Variants in PDE3A observed in about 807,000 individuals in gnomAD.
PDE3A encodes cGMP-inhibited 3',5'-cyclic phosphodiesterase 3A.
PDE3A carries 43 observed loss-of-function variants against 98.3 expected under a neutral mutation model. The ratio of observed to expected loss-of-function variants is 0.44; its 90% CI spans 0.34 to 0.56. The LOEUF is 0.56. PDE3A is among the 20% of genes least tolerant of loss of function. The pLI is 0.01. For missense variants in PDE3A, 1,427 were observed against 1,440.7 expected, an observed-to-expected ratio of 0.99 and a Z score of 0.15; for synonymous variants, 663 against 567.9, an observed-to-expected ratio of 1.17 and a Z score of -2.38.
chr12:20,370,104 C>A lies in PDE3A; in HGVS notation c.820C>A (p.Gln274Lys). The A allele has an allele frequency of 6.2e-7, 1 of 1,613,262 alleles. No individual in the cohort carries two copies. Among genetic ancestry groups the A allele is most frequent in the Non-Finnish European group, 8.5e-7 (1 of 1,179,940 alleles). Residue 274 changes from glutamine (Q) to lysine (K), a missense_variant, in exon 1 of 16, where the codon CAG becomes AAG. Physicochemically the swap from Gln to Lys is moderately conservative, Grantham distance 53. Around this residue, in one of 3 missense-constraint regions of PDE3A, gnomAD observed 1,012 missense variants for 886.5 expected, o/e 1.14. Coordinates refer to ENST00000359062, the MANE Select transcript of PDE3A (RefSeq NM_000921.5). ...GGCTCCAAGGGAGCATTTGGGGTCC[C>A]AGCTGATTGCTGGGACCAAGGAAGA... The part of the protein sequence containing the change: ...EAAPREHLGS[Q>K]LIAGTKEDIP...
intron 2 of PDE3A, among the ~76,000 whole-genome samples, chr12:20,605,378 G>A (rs1334413742): frequency 1.3e-5 from 2 of 152,208 alleles, no homozygotes; most frequent in African/African-American, 4.8e-5. Context: ...TAGAGCTTGT[G>A]AAAGATTAGC....
At chr12:20,470,210 G>A (rs758528893) in intron 1 of PDE3A, among the ~76,000 whole-genome samples, 4 of 151,836 alleles carry the variant, frequency 2.6e-5, no homozygotes, top group Non-Finnish European at 5.9e-5. Flanking sequence ...CCAGAACTTT[G>A]TCTTAAGAAA....
rs533737651 is a variant in PDE3A, at chr12:20,680,305, T to C, written c.*34T>C. The C allele has an allele frequency of 6.2e-6, 10 of 1,609,042 alleles. No homozygotes were observed. Among genetic ancestry groups the C allele is most frequent in the East Asian group, 2.2e-5 (1 of 44,814 alleles). The stretch of plus-strand genomic sequence containing the variant: ...AGAATGGGCTGTGTTTCCAAACAGA[T>C]TGACTTGTCAAAGACTCTCTTCAAG... On this transcript the variant is annotated 3_prime_UTR_variant, in exon 16 of 16. Coordinates refer to ENST00000359062, the MANE Select transcript of PDE3A (RefSeq NM_000921.5).
At chr12:20,572,057 T>G (rs965012466) in intron 2 of PDE3A, 1 of 1,195,626 alleles carries the variant, frequency 8.4e-7, no homozygotes. Flanking sequence ...CATGAAAGCA[T>G]GTTTTTAAAA....
At chr12:20,638,872 A>G (rs1944580491) in intron 9 of PDE3A, among the ~76,000 whole-genome samples, 1 of 151,894 alleles carries the variant, frequency 6.6e-6, no homozygotes, top group African/African-American at 2.4e-5. Context: ...TTTTTTAAAT[A>G]TGTATCTTAT....
chr12:20,391,925 C>T (rs1435016866), intron 1 of PDE3A, among the ~76,000 whole-genome samples: 1 of 151,882 alleles, frequency 6.6e-6, no homozygotes, highest in Non-Finnish European at 1.5e-5. Flanking sequence ...TTACAATATA[C>T]ACTTGCCTAA....
intron 15 of PDE3A, among the ~76,000 whole-genome samples, chr12:20,677,235 T>C (rs1592177792): frequency 6.6e-6 from 1 of 152,160 alleles, no homozygotes; most frequent in African/African-American, 2.4e-5. Flanking sequence ...CTCATTCATA[T>C]TATGAATTGT....
intron 1 of PDE3A, among the ~76,000 whole-genome samples, chr12:20,458,696 C>G (rs991038536): frequency 3.9e-5 from 6 of 152,124 alleles, no homozygotes; most frequent in African/African-American, 1.4e-4. Context: ...CAGTTTTGCT[C>G]TACTTGTCTG....
rs1944893216 is a variant in PDE3A, at chr12:20,650,596, A to C, written c.2921A>C (p.Glu974Ala). 6.2e-7 allele frequency: 1 copy of C among 1,606,918 alleles called. No homozygotes were observed. Among genetic ancestry groups the C allele is most frequent in the Admixed American group, 1.7e-5 (1 of 59,898 alleles). The change falls in exon 14 of 16, where the codon GAA (glutamate) becomes GCA (alanine). Residue 974 changes from glutamate to alanine, a missense_variant. This residue lies in a region of PDE3A where 273 missense variants were observed against 420.3 expected (regional missense o/e 0.65). Coordinates refer to ENST00000359062, the MANE Select transcript of PDE3A (RefSeq NM_000921.5). ...WTDGIVNEFY[E>A]QGDEEASLGL... The stretch of plus-strand genomic sequence containing the variant: ...GATGGTATTGTCAATGAATTTTATG[A>C]ACAGGTAACTGACCACTGTTTAATA...
At position 20,658,492 on chromosome 12, in the gene PDE3A, G is replaced by A. The variant is rs577048440; in HGVS notation, c.3184+4287G>A. Among the ~76,000 whole-genome samples the A allele has an allele frequency of 2.6e-5, 4 of 152,316 alleles. No homozygotes were observed. In the South Asian group the frequency reaches 6.2e-4, roughly 24 times the overall value. ...ACATTTGTTAAAAATGGCAACGAAG[G>A]CGTTATTCAAGACTACTGTAATAGG... On this transcript the variant is annotated intron_variant, in intron 15 of 15. Coordinates refer to ENST00000359062, the MANE Select transcript of PDE3A (RefSeq NM_000921.5).
intron 1 of PDE3A, among the ~76,000 whole-genome samples, chr12:20,464,587 A>T (rs1409110051): frequency 6.6e-6 from 1 of 152,184 alleles, no homozygotes; most frequent in Non-Finnish European, 1.5e-5. Context: ...TATTACGGTA[A>T]GATGTTTTAC....
chr12:20,529,067 A>G (rs185584723), intron 1 of PDE3A, among the ~76,000 whole-genome samples: 2 of 152,300 alleles, frequency 1.3e-5, no homozygotes, highest in African/African-American at 4.8e-5. Flanking sequence ...TAGAATCATG[A>G]AAGTCATGGC....
At chr12:20,405,480 C>T (rs1328172806) in intron 1 of PDE3A, among the ~76,000 whole-genome samples, 1 of 152,216 alleles carries the variant, frequency 6.6e-6, no homozygotes, top group East Asian at 1.9e-4. Flanking sequence ...TCTCATTCAC[C>T]TGAGCTGCTC....
At chr12:20,425,316 C>T (rs1944585647) in intron 1 of PDE3A, among the ~76,000 whole-genome samples, 1 of 152,052 alleles carries the variant, frequency 6.6e-6, no homozygotes, top group Admixed American at 6.5e-5. Flanking sequence ...TTTTTTTCAT[C>T]ATATAATATT....
chr12:20,596,152 A>G (rs1943461412), intron 2 of PDE3A, among the ~76,000 whole-genome samples: 1 of 152,180 alleles, frequency 6.6e-6, no homozygotes, highest in Non-Finnish European at 1.5e-5. Context: ...CCATACAAAC[A>G]CTCTGTGGAA....
At chr12:20,539,514 A>G (rs1476509823) in intron 1 of PDE3A, among the ~76,000 whole-genome samples, 1 of 152,136 alleles carries the variant, frequency 6.6e-6, no homozygotes, top group Non-Finnish European at 1.5e-5. Flanking sequence ...ACTTGGTCAT[A>G]TGCTGAAGAG....
rs531107624 is a variant in PDE3A at position 20,433,037 on chromosome 12, A to C, written c.960+62793A>C. On this transcript the variant is annotated intron_variant, in intron 1 of 15. Coordinates refer to ENST00000359062, the MANE Select transcript of PDE3A (RefSeq NM_000921.5). ...ATTTTGCCCTCCTCTAAATGAAACA[A>C]TGTAATTGAAGCACTTCTGAACCTC... Among the ~76,000 whole-genome samples the C allele has an allele frequency of 7.2e-5, 11 of 152,306 alleles. No homozygotes were observed. The East Asian group carries it at 2.1e-3, about 29-fold the overall frequency.
At chr12:20,655,650 G>A (rs1945025358) in intron 15 of PDE3A, among the ~76,000 whole-genome samples, 1 of 152,220 alleles carries the variant, frequency 6.6e-6, no homozygotes, top group South Asian at 2.1e-4. Flanking sequence ...GGACAAGCTT[G>A]GAAGGTGGGA....
At chr12:20,634,857 TC>T (rs1256174915) in intron 7 of PDE3A, 44 bp from the exon 8 acceptor site, 1 of 1,487,606 alleles carries the variant, frequency 6.7e-7, no homozygotes, top group South Asian at 1.1e-5. Context: ...GAGCCCCCTT[TC>T]CCCATTGTAG....
Sources: allele counts gnomAD v4.1 joint callset (sites outside exome capture counted in the v4.1 genomes callset), GRCh38; gene constraint gnomAD v4.1.1; regional missense constraint gnomAD v4.1.1; transcripts MANE v1.5; gene names NCBI Gene and HGNC (gene_info 2026-07-23, HGNC 2026-07-21).